VAT1L: variants seen among roughly 807,000 people sequenced by gnomAD.
VAT1L encodes vesicle amine transport 1 like.
Under a neutral mutation model 44.1 loss-of-function variants are expected in VAT1L, and 34 were observed. That is an observed-to-expected ratio of 0.77 (90% CI 0.59 to 1.03). VAT1L has a LOEUF of 1.03. Ranked by LOEUF, VAT1L falls within the 50% of genes least tolerant of loss-of-function variation. The pLI is 0.00. For synonymous variants in VAT1L, 253 were observed against 202.2 expected, an observed-to-expected ratio of 1.25 and a Z score of -2.13; for missense variants, 615 against 538.8, an observed-to-expected ratio of 1.14 and a Z score of -1.40.
At position 77,919,204 on chromosome 16, in the gene VAT1L, T is replaced by G. The variant is rs73564440; in HGVS notation, c.1077+34402T>G. On this transcript the variant is annotated intron_variant, in intron 7 of 8. Coordinates refer to ENST00000302536, the MANE Select transcript of VAT1L (RefSeq NM_020927.3). ...CATGTGTGTGTGTGTTTCAGCAGCT[T>G]TCTCTGCAACCTAGGTGTCCAGGGG... is the stretch of plus-strand genomic sequence containing the variant. 6.4e-3 allele frequency among the ~76,000 whole-genome samples: 926 copies of G among 144,288 alleles called. 5 individuals carry two copies. Among genetic ancestry groups the G allele is most frequent in the African/African-American group, 0.022 (877 of 40,364 alleles). 94.7% of individuals were successfully genotyped at this position (144,288 alleles called of 152,430 possible). A position where few individuals can be genotyped will look rare whatever the true frequency, so the allele number is the denominator to read the frequency against.
intron 7 of VAT1L, among the ~76,000 whole-genome samples, chr16:77,955,295 A>G (rs1251036197): frequency 6.6e-6 from 1 of 152,206 alleles, no homozygotes; most frequent in African/African-American, 2.4e-5. Context: ...GTTTGTCACA[A>G]CGGGGTAGCG....
Position 77,903,882 on chromosome 16 carries a change from G to A in VAT1L, c.1077+19080G>A, listed in dbSNP as rs188740483. Among the ~76,000 whole-genome samples the A allele has an allele frequency of 2.3e-3, 353 of 151,618 alleles. 2 individuals are homozygous for A. The highest frequency in any genetic ancestry group is 7.7e-3 in the African/African-American group (316 of 41,300). ...CTCCCGAGTAGCTGGGACTACAGGC[G>A]TCCACCACCACGCCCAGCTAATTTT... On this transcript the variant is annotated intron_variant, in intron 7 of 8. Coordinates refer to ENST00000302536, the MANE Select transcript of VAT1L (RefSeq NM_020927.3).
chr16:77,900,456 G>A (rs1017600091), intron 7 of VAT1L, among the ~76,000 whole-genome samples: 1 of 152,072 alleles, frequency 6.6e-6, no homozygotes, highest in African/African-American at 2.4e-5. Flanking sequence ...CATTTTGGGA[G>A]GACAAGGCGG....
At chr16:77,843,019 T>C (rs2016721955) in intron 3 of VAT1L, among the ~76,000 whole-genome samples, 1 of 152,140 alleles carries the variant, frequency 6.6e-6, no homozygotes, top group Non-Finnish European at 1.5e-5. Flanking sequence ...AACTCAGAAT[T>C]TACTGAAATA....
chr16:77,815,799 G>A (rs1175188599), intron 1 of VAT1L, among the ~76,000 whole-genome samples: 1 of 121,442 alleles, frequency 8.2e-6, no homozygotes, highest in Admixed American at 8.4e-5. Flanking sequence ...GAAACCCCAT[G>A]TCTACTAAAA....
chr16:77,935,380 C>T (rs2017781416), intron 7 of VAT1L, among the ~76,000 whole-genome samples: 1 of 151,378 alleles, frequency 6.6e-6, no homozygotes, highest in Non-Finnish European at 1.5e-5. Context: ...AATTACAACT[C>T]TTTGGGAAAT....
At chr16:77,816,707 G>T (rs953563078) in intron 1 of VAT1L, among the ~76,000 whole-genome samples, 14 of 151,832 alleles carry the variant, frequency 9.2e-5, no homozygotes, top group Non-Finnish European at 1.5e-4. Context: ...TTGCTTATCT[G>T]CATAGAGATA....
At chr16:77,944,079 T>A (rs1301421069) in intron 7 of VAT1L, among the ~76,000 whole-genome samples, 1 of 152,124 alleles carries the variant, frequency 6.6e-6, no homozygotes, top group East Asian at 1.9e-4. Flanking sequence ...GCTGGCAATG[T>A]CCGGAGACAT....
At chr16:77,953,850 C>G (rs1158302737) in intron 7 of VAT1L, among the ~76,000 whole-genome samples, 1 of 152,162 alleles carries the variant, frequency 6.6e-6, no homozygotes, top group Non-Finnish European at 1.5e-5. Context: ...TTGGTTCACA[C>G]TAGATCCTGA....
At chr16:77,792,159 C>G (rs892637642) in intron 1 of VAT1L, among the ~76,000 whole-genome samples, 1 of 152,188 alleles carries the variant, frequency 6.6e-6, no homozygotes, top group African/African-American at 2.4e-5. Context: ...GCGTTGTCAG[C>G]ATTCAATAAG....
chr16:77,954,985 GA>G (rs1213699606), intron 7 of VAT1L, among the ~76,000 whole-genome samples: 1 of 152,156 alleles, frequency 6.6e-6, no homozygotes, highest in Non-Finnish European at 1.5e-5. Context: ...CTATTTTTAA[GA>G]AAAGCTAATG....
At chr16:77,945,207 A>T (rs1464768007) in intron 7 of VAT1L, among the ~76,000 whole-genome samples, 1 of 150,418 alleles carries the variant, frequency 6.6e-6, no homozygotes, top group African/African-American at 2.4e-5. Flanking sequence ...AGCACAAAAA[A>T]CATGGCTTGT....
At chr16:77,949,278 T>G (rs139286025) in intron 7 of VAT1L, among the ~76,000 whole-genome samples, 27 of 152,068 alleles carry the variant, frequency 1.8e-4, no homozygotes, top group Non-Finnish European at 3.1e-4. Flanking sequence ...AAAGGTCAAG[T>G]CTAGATTCTG....
At chr16:77,913,147 C>T (rs1179922393) in intron 7 of VAT1L, among the ~76,000 whole-genome samples, 1 of 152,072 alleles carries the variant, frequency 6.6e-6, no homozygotes, top group African/African-American at 2.4e-5. Context: ...GTTGTCTATG[C>T]TTTATTTGGA....
chr16:77,862,541 A>G (rs2016925569), intron 3 of VAT1L, among the ~76,000 whole-genome samples: 1 of 150,598 alleles, frequency 6.6e-6, no homozygotes, highest in East Asian at 2.0e-4. Context: ...GCTAGAACAC[A>G]GGAGGTAGAG....
chr16:77,838,532 G>A (rs958835629), intron 3 of VAT1L, among the ~76,000 whole-genome samples: 5 of 151,936 alleles, frequency 3.3e-5, no homozygotes, highest in East Asian at 1.9e-4. Flanking sequence ...ATGCCTGGGC[G>A]TCCGACTCCA....
rs1310691869 is a variant in VAT1L, at chr16:77,813,475, G to A, written c.234-3446G>A. Among the ~76,000 whole-genome samples the A allele has an allele frequency of 2.6e-5, 4 of 152,204 alleles. No individual in the cohort carries two copies. The East Asian group carries it at 5.8e-4, about 22-fold the overall frequency. On this transcript the variant is annotated intron_variant, in intron 1 of 8. Transcript: ENST00000302536. ...TGAAGGAATTCATGGAAATCATAGA[G>A]CAGGAGGTGTGATGGAGCTGGACCT...
At chr16:77,870,154 C>T (rs892766559) in intron 4 of VAT1L, among the ~76,000 whole-genome samples, 4 of 152,190 alleles carry the variant, frequency 2.6e-5, no homozygotes, top group Admixed American at 6.5e-5. Flanking sequence ...AAACCTGTCA[C>T]GTGCTGGGTG....
intron 7 of VAT1L, among the ~76,000 whole-genome samples, chr16:77,951,410 G>C (rs565839358): frequency 4.6e-4 from 70 of 152,298 alleles, no homozygotes; most frequent in African/African-American, 1.6e-3. Flanking sequence ...GCCAGGTGTG[G>C]TGGCGGGAGC....
Sources: allele counts gnomAD v4.1 joint callset (sites outside exome capture counted in the v4.1 genomes callset), GRCh38; gene constraint gnomAD v4.1.1; transcripts MANE v1.5; gene names NCBI Gene and HGNC (gene_info 2026-07-23, HGNC 2026-07-21).